SERINC5: variants seen among roughly 807,000 people sequenced by gnomAD.
SERINC5 encodes the protein chromosome 5 open reading frame 12.
SERINC5 carries 41 observed loss-of-function variants against 63.1 expected under a neutral mutation model. The ratio of observed to expected loss-of-function variants is 0.65; its 90% CI spans 0.51 to 0.84. SERINC5 has a LOEUF of 0.84. SERINC5 is among the 40% of genes least tolerant of loss of function. The pLI is 0.00. For missense variants in SERINC5, 523 were observed against 573.0 expected (o/e 0.91, Z 0.89); for synonymous variants, 222 against 215.2 (o/e 1.03, Z -0.28).
intron 1 of SERINC5, among the ~76,000 whole-genome samples, chr5:80,223,545 T>C (rs993746266): frequency 6.6e-6 from 1 of 152,198 alleles, no homozygotes; most frequent in African/African-American, 2.4e-5. Context: ...AAATTATAAC[T>C]GGTTAGTATC....
chr5:80,189,184 A>AT (rs561534292), intron 2 of SERINC5, among the ~76,000 whole-genome samples: 186 of 152,292 alleles, frequency 1.2e-3, no homozygotes, highest in South Asian at 2.9e-3. Context: ...CAAACTCTCC[A>AT]TAAGAAGGGT....
chr5:80,168,213 T>C (rs77417398), intron 6 of SERINC5, among the ~76,000 whole-genome samples: 12 of 152,024 alleles, frequency 7.9e-5, no homozygotes, highest in African/African-American at 1.2e-4. Context: ...TTTTTTTTTT[T>C]CGACACAGAG....
chr5:80,149,772 C>G (rs954635332), intron 9 of SERINC5, among the ~76,000 whole-genome samples: 2 of 152,202 alleles, frequency 1.3e-5, no homozygotes, highest in African/African-American at 4.8e-5. Flanking sequence ...ATAGGAAGAA[C>G]TTAGAACAGT....
At chr5:80,124,593 A>G (rs1744671487) in intron 11 of SERINC5, among the ~76,000 whole-genome samples, 1 of 152,204 alleles carries the variant, frequency 6.6e-6, no homozygotes, top group South Asian at 2.1e-4. Flanking sequence ...AAAGCTGCAC[A>G]GCCATGGGAA....
downstream of SERINC5, among the ~76,000 whole-genome samples, chr5:80,137,634 C>T (rs1206567083): frequency 2.9e-5 from 2 of 69,198 alleles, no homozygotes; most frequent in South Asian, 3.9e-4. Context: ...CCAAGCAAGA[C>T]TCTAACTCAA....
chr5:80,243,586 T>G (rs1409192241), intron 1 of SERINC5, among the ~76,000 whole-genome samples: 1 of 147,018 alleles, frequency 6.8e-6, no homozygotes, highest in Non-Finnish European at 1.5e-5. Context: ...CTTCCAAGAG[T>G]TTCTGTGGTT....
chr5:80,185,265 A>C (rs1748724235), intron 2 of SERINC5, among the ~76,000 whole-genome samples: 1 of 152,146 alleles, frequency 6.6e-6, no homozygotes, highest in African/African-American at 2.4e-5. Context: ...CTATCAAGTA[A>C]GAATAAACAG....
chr5:80,178,731 T>C (rs1220212695), intron 2 of SERINC5, among the ~76,000 whole-genome samples: 2 of 151,776 alleles, frequency 1.3e-5, no homozygotes, highest in Admixed American at 1.3e-4. Flanking sequence ...TATGTATACA[T>C]ATATACAAAT....
intron 2 of SERINC5, among the ~76,000 whole-genome samples, chr5:80,185,703 A>T (rs1274431498): frequency 6.6e-6 from 1 of 152,072 alleles, no homozygotes; most frequent in Admixed American, 6.6e-5. Flanking sequence ...CAGGAATGGG[A>T]GTCGCAAGGT....
chr5:80,136,234 G>A (rs779894713), downstream of SERINC5, among the ~76,000 whole-genome samples: 5 of 151,866 alleles, frequency 3.3e-5, no homozygotes, highest in African/African-American at 4.8e-5. Context: ...AGTGAGCTAC[G>A]ATCACACCAC....
intron 2 of SERINC5, among the ~76,000 whole-genome samples, chr5:80,183,960 C>T (rs890891083): frequency 5.9e-5 from 9 of 152,116 alleles, no homozygotes; most frequent in Non-Finnish European, 1.3e-4. Context: ...CTGGAGGAAC[C>T]TCAATTTTTA....
chr5:80,145,267 C>T (rs929710824), intron 11 of SERINC5, among the ~76,000 whole-genome samples: 2 of 152,028 alleles, frequency 1.3e-5, no homozygotes, highest in Non-Finnish European at 2.9e-5. Flanking sequence ...TCACTTGAAC[C>T]CAGGGGCGGA....
chr5:80,116,893 A>G (rs1359803007), intron 11 of SERINC5, among the ~76,000 whole-genome samples: 2 of 151,618 alleles, frequency 1.3e-5, no homozygotes, highest in Non-Finnish European at 2.9e-5. Context: ...TACTGACACA[A>G]TCTCGGCTCA....
chr5:80,123,999 A>C (rs1580019745), intron 11 of SERINC5, among the ~76,000 whole-genome samples: 3 of 152,200 alleles, frequency 2.0e-5, no homozygotes, highest in African/African-American at 7.2e-5. Context: ...CAGTGAAGGA[A>C]GGAGAGAGAG....
At chr5:80,231,267 C>T (rs73129756) in intron 1 of SERINC5, among the ~76,000 whole-genome samples, 1,722 of 152,188 alleles carry the variant, frequency 0.011, 36 homozygotes, top group African/African-American at 0.039. Flanking sequence ...AATAAAGAAC[C>T]GGCTACTGCT....
intron 11 of SERINC5, among the ~76,000 whole-genome samples, chr5:80,132,212 CA>C (rs893676736): frequency 6.6e-6 from 1 of 152,080 alleles, no homozygotes; most frequent in African/African-American, 2.4e-5. Flanking sequence ...TTACTGATGA[CA>C]AAAGAGACAA....
At chr5:80,112,490 T>C (rs1438608976) in intron 12 of SERINC5, among the ~76,000 whole-genome samples, 5 of 152,124 alleles carry the variant, frequency 3.3e-5, no homozygotes, top group Admixed American at 6.5e-5. Context: ...CTGAGGGAAC[T>C]CAGAGACCGG....
chr5:80,146,589 A>G (rs1285362270), intron 10 of SERINC5, among the ~76,000 whole-genome samples: 3 of 152,122 alleles, frequency 2.0e-5, no homozygotes, highest in Non-Finnish European at 2.9e-5. Context: ...AGTAGCTGGG[A>G]TTACAGGCAC....
chr5:80,128,694 C>A (rs763934645), intron 11 of SERINC5, among the ~76,000 whole-genome samples: 2 of 152,156 alleles, frequency 1.3e-5, no homozygotes, highest in Non-Finnish European at 2.9e-5. Context: ...AGAACAGTAA[C>A]ATCCATAGGA....
Sources: gnomAD v4.1 joint callset for allele counts (sites outside exome capture counted in the v4.1 genomes callset) on GRCh38, gnomAD v4.1.1 for gene constraint, MANE v1.5 for transcripts, NCBI Gene and HGNC (gene_info 2026-07-23, HGNC 2026-07-21) for gene names.